Variants in CALN1 observed in about 807,000 individuals in gnomAD.
CALN1 encodes calneuron 1, also known as calcium-binding protein 8.
CALN1 carries 17 observed loss-of-function variants against 30.6 expected under a neutral mutation model. The observed-to-expected ratio is 0.56, with a 90% CI of 0.38 to 0.83. The LOEUF (loss-of-function observed/expected upper bound fraction) is 0.83, where lower values mean the gene tolerates loss of function less well. CALN1 is among the 40% of genes least tolerant of loss of function. The pLI, the probability that CALN1 is intolerant of heterozygous loss-of-function variation, is 0.00. For missense variants in CALN1, 291 were observed against 354.9 expected (o/e 0.82, Z 1.45); for synonymous variants, 156 against 131.4 (o/e 1.19, Z -1.28).
In CALN1 at chr7:71,783,891, C is replaced by T. The variant is rs1184936392; in HGVS notation, c.*3884G>A. On this transcript the variant is annotated 3_prime_UTR_variant, in exon 7 of 7. Coordinates refer to ENST00000395275, the MANE Select transcript of CALN1 (RefSeq NM_031468.4). ...ACCATTTGTCAAGTGAGATTTGAGA[C>T]AGGGCAGGTATTGAGAAAGAAGACT... The T allele has an allele frequency of 6.6e-6, 1 of 152,380 alleles. No individual in the cohort carries two copies. The highest frequency in any genetic ancestry group is 1.5e-5 in the Non-Finnish European group (1 of 68,038). 9.4% of individuals were successfully genotyped at this position (152,380 alleles called of 1,614,324 possible).
At chr7:72,070,526 T>C (rs1428381363) in intron 4 of CALN1, among the ~76,000 whole-genome samples, 1 of 152,190 alleles carries the variant, frequency 6.6e-6, no homozygotes, top group Admixed American at 6.5e-5. Flanking sequence ...TGGTGATTCA[T>C]GAATCTGCTT....
intron 2 of CALN1, among the ~76,000 whole-genome samples, chr7:72,326,104 T>C (rs529414556): frequency 6.6e-6 from 1 of 152,200 alleles, no homozygotes; most frequent in Non-Finnish European, 1.5e-5. Context: ...AGTTTCACCA[T>C]GTTGGCCAGG....
At chr7:72,088,701 G>GAAA (rs71069024) in intron 4 of CALN1, among the ~76,000 whole-genome samples, 2 of 72,446 alleles carry the variant, frequency 2.8e-5, no homozygotes, top group Non-Finnish European at 6.1e-5. Flanking sequence ...TCCATCTCAA[G>GAAA]AAAAAAAAAA....
At chr7:72,429,088 T>C (rs1461751917) in intron 1 of CALN1, among the ~76,000 whole-genome samples, 1 of 152,150 alleles carries the variant, frequency 6.6e-6, no homozygotes, top group Non-Finnish European at 1.5e-5. Flanking sequence ...ACAGAACCCT[T>C]AGTCTGCCCA....
intron 1 of CALN1, among the ~76,000 whole-genome samples, chr7:72,410,957 A>C (rs1446062087): frequency 6.6e-6 from 1 of 152,212 alleles, no homozygotes; most frequent in Non-Finnish European, 1.5e-5. Flanking sequence ...AAAGAAATAA[A>C]GTTATTTTAA....
chr7:72,222,659 T>C (rs560448007), intron 3 of CALN1, among the ~76,000 whole-genome samples: 83 of 152,262 alleles, frequency 5.5e-4, no homozygotes, highest in African/African-American at 1.7e-3. Context: ...TGCTGGTTTT[T>C]CACCCACCTC....
At chr7:72,104,218 C>T (rs1163027948) in intron 4 of CALN1, 2 of 152,762 alleles carry the variant, frequency 1.3e-5, no homozygotes, top group African/African-American at 4.8e-5. Context: ...ACACATGAGC[C>T]CTCTGGTCTT....
chr7:71,904,826 CTTT>C (rs762064396), intron 5 of CALN1, among the ~76,000 whole-genome samples: 5 of 151,958 alleles, frequency 3.3e-5, no homozygotes, highest in African/African-American at 4.8e-5. Context: ...TTACCTGTCA[CTTT>C]TTTTTAAATG....
intron 5 of CALN1, among the ~76,000 whole-genome samples, chr7:71,868,757 A>G (rs774548760): frequency 1.3e-4 from 20 of 151,972 alleles, no homozygotes; most frequent in Non-Finnish European, 2.4e-4. Flanking sequence ...TACCTCCAAC[A>G]TTGGGGATGA....
At chr7:72,064,598 T>C (rs992391472) in intron 4 of CALN1, among the ~76,000 whole-genome samples, 4 of 152,214 alleles carry the variant, frequency 2.6e-5, no homozygotes, top group Middle Eastern at 3.2e-3. Context: ...ACAACTATTA[T>C]TTTAACATAG....
At chr7:72,354,731 A>C (rs1040912777) in intron 2 of CALN1, among the ~76,000 whole-genome samples, 8 of 152,288 alleles carry the variant, frequency 5.3e-5, no homozygotes, top group Admixed American at 3.9e-4. Context: ...TGCTGGAATA[A>C]CTGGATATTC....
chr7:71,883,802 T>C lies in CALN1; in HGVS notation c.502-73310A>G, dbSNP rs141842872. Among the ~76,000 whole-genome samples, 1,480 of 152,312 alleles carry C rather than the reference T, an allele frequency of 9.7e-3. 30 individuals are homozygous for C. The highest frequency in any genetic ancestry group is 0.034 in the African/African-American group (1,395 of 41,570). ...ATATAATCGCTGGGTCTTGAGGGTA[T>C]TGGCATGAGATTTACCATCTTGTTT... On this transcript the variant is annotated intron_variant, in intron 5 of 6. Coordinates refer to ENST00000395275, the MANE Select transcript of CALN1 (RefSeq NM_031468.4).
At chr7:72,354,053 G>T (rs1013105466) in intron 2 of CALN1, among the ~76,000 whole-genome samples, 1 of 152,038 alleles carries the variant, frequency 6.6e-6, no homozygotes, top group Non-Finnish European at 1.5e-5. Context: ...CAGGCGTGGT[G>T]GTGGGCCCCT....
chr7:71,865,852 T>C (rs1791553063), intron 5 of CALN1, among the ~76,000 whole-genome samples: 1 of 152,172 alleles, frequency 6.6e-6, no homozygotes, highest in Non-Finnish European at 1.5e-5. Flanking sequence ...TGCAGAATAA[T>C]ATTTAATGAT....
At chr7:72,324,523 GCT>G (rs147746405) in intron 2 of CALN1, among the ~76,000 whole-genome samples, 2,873 of 151,042 alleles carry the variant, frequency 0.019, 82 homozygotes, top group African/African-American at 0.065. Context: ...TTCAGCTCTG[GCT>G]CTCTCTCTCT....
intron 2 of CALN1, among the ~76,000 whole-genome samples, chr7:72,368,809 CTTT>C (rs57192078): frequency 6.3e-4 from 64 of 101,540 alleles, no homozygotes; most frequent in Middle Eastern, 6.3e-3. Context: ...GTTTGAAACC[CTTT>C]TTTTTTTTTT....
chr7:72,239,869 T>G (rs1794722611), intron 3 of CALN1, among the ~76,000 whole-genome samples: 1 of 152,150 alleles, frequency 6.6e-6, no homozygotes, highest in African/African-American at 2.4e-5. Context: ...ACTGTCAAAG[T>G]GCCTCCCCTC....
intron 2 of CALN1, among the ~76,000 whole-genome samples, chr7:72,350,779 TAAAAG>T (rs1305614954): frequency 1.3e-3 from 11 of 8,784 alleles, no homozygotes; most frequent in Non-Finnish European, 2.0e-3. Context: ...GAAACAAAAG[TAAAAG>T]TTAAAAAAAA....
chr7:71,843,732 T>C (rs1224376176), intron 5 of CALN1, among the ~76,000 whole-genome samples: 7 of 152,190 alleles, frequency 4.6e-5, no homozygotes, highest in Non-Finnish European at 1.0e-4. Flanking sequence ...ATCTAATTAA[T>C]ACATTATACT....
Sources: gnomAD v4.1 joint callset for allele counts (sites outside exome capture counted in the v4.1 genomes callset) on GRCh38, gnomAD v4.1.1 for gene constraint, MANE v1.5 for transcripts, NCBI Gene and HGNC (gene_info 2026-07-23, HGNC 2026-07-21) for gene names.